MALRD1: variants seen among roughly 807,000 people sequenced by gnomAD.
MALRD1 encodes the protein MAM and LDL-receptor class A domain-containing protein 1.
MALRD1 carries 247 observed loss-of-function variants against 242.1 expected under a neutral mutation model. The observed-to-expected ratio is 1.02, with a 90% CI of 0.92 to 1.13. The LOEUF is 1.13. MALRD1 is among the 50% of genes most tolerant of loss of function. The probability of loss-of-function intolerance (pLI) is 0.00; values close to 1 mark genes in which losing one functional copy is unlikely to be tolerated. For missense variants in MALRD1, 2,989 were observed against 2,533.1 expected, an observed-to-expected ratio of 1.18 and a Z score of -3.86; for synonymous variants, 995 against 866.6, an observed-to-expected ratio of 1.15 and a Z score of -2.60.
chr10:19,313,408 A>T (rs550786255), intron 21 of MALRD1, among the ~76,000 whole-genome samples: 38 of 151,516 alleles, frequency 2.5e-4, no homozygotes, highest in South Asian at 6.2e-4. Flanking sequence ...CATACATCTC[A>T]GATGTGAATG....
At chr10:19,413,815 C>T (rs73595803) in intron 28 of MALRD1, among the ~76,000 whole-genome samples, 7,773 of 151,946 alleles carry the variant, frequency 0.051, 332 homozygotes, top group African/African-American at 0.12. Flanking sequence ...AACACCATCT[C>T]TGGCGGGTAC....
intron 2 of MALRD1, among the ~76,000 whole-genome samples, chr10:19,082,296 T>C (rs1249858034): frequency 1.3e-5 from 2 of 151,876 alleles, no homozygotes; most frequent in Non-Finnish European, 2.9e-5. Flanking sequence ...TTTGATCTTA[T>C]ATAGTTCTGT....
chr10:19,079,609 G>A (rs1835421160), intron 2 of MALRD1, among the ~76,000 whole-genome samples: 1 of 151,864 alleles, frequency 6.6e-6, no homozygotes. Flanking sequence ...TTGTTAAATG[G>A]TCTACATTTC....
At chr10:19,068,970 A>G (rs1835061178) in intron 2 of MALRD1, among the ~76,000 whole-genome samples, 1 of 152,130 alleles carries the variant, frequency 6.6e-6, no homozygotes, top group Non-Finnish European at 1.5e-5. Flanking sequence ...AAAAGAATGT[A>G]ACATTGCATA....
At chr10:19,656,971 A>G (rs530364566) in intron 36 of MALRD1, among the ~76,000 whole-genome samples, 1 of 152,190 alleles carries the variant, frequency 6.6e-6, no homozygotes, top group African/African-American at 2.4e-5. Context: ...CATAGTTGCT[A>G]CTAAATCAAT....
Position 19,264,169 on chromosome 10 carries a change from T to G in MALRD1, c.3079+6398T>G, listed in dbSNP as rs183737417. Among the ~76,000 whole-genome samples, 15 of 152,288 alleles carry G rather than the reference T, an allele frequency of 9.8e-5. No individual in the cohort carries two copies. In the East Asian group the frequency reaches 2.9e-3, roughly 29 times the overall value. On this transcript the variant is annotated intron_variant, in intron 19 of 39. Coordinates refer to ENST00000454679, the MANE Select transcript of MALRD1 (RefSeq NM_001142308.3). Reference sequence around the variant, plus strand: ...GATGTTAAATATTGTCAAATGCCTTTTCTACATTTTTTGACGTGATCATAA... The same window carrying G: ...GATGTTAAATATTGTCAAATGCCTTGTCTACATTTTTTGACGTGATCATAA...
At chr10:19,723,431 T>A (rs1393492853) in intron 38 of MALRD1, among the ~76,000 whole-genome samples, 4 of 152,102 alleles carry the variant, frequency 2.6e-5, no homozygotes, top group Admixed American at 2.6e-4. Context: ...TAAAAAAATC[T>A]GTGCTAAAGT....
At chr10:19,254,131 C>A (rs1588787263) in intron 18 of MALRD1, among the ~76,000 whole-genome samples, 1 of 151,980 alleles carries the variant, frequency 6.6e-6, no homozygotes, top group African/African-American at 2.4e-5. Flanking sequence ...CAGTCTTAGG[C>A]AGTTCTTTAT....
intron 32 of MALRD1, among the ~76,000 whole-genome samples, chr10:19,549,536 G>C (rs1835389014): frequency 6.6e-6 from 1 of 152,114 alleles, no homozygotes; most frequent in Non-Finnish European, 1.5e-5. Context: ...GGCTGAGATG[G>C]TCATTAGCAT....
In MALRD1 at chr10:19,674,408, T is replaced by G. The variant is rs149235087; in HGVS notation, c.6138-17874T>G. On this transcript the variant is annotated intron_variant, in intron 36 of 39. Coordinates refer to ENST00000454679, the MANE Select transcript of MALRD1 (RefSeq NM_001142308.3). ...AAATTTCCTGTTTTAGTTGAGCAAG[T>G]AGAGAACCTCCTTGTTTTCCCAAGA... Among the ~76,000 whole-genome samples the G allele has an allele frequency of 2.3e-3, 357 of 152,268 alleles. 1 individual carries two copies. The highest frequency in any genetic ancestry group is 3.9e-3 in the Non-Finnish European group (267 of 68,018).
intron 36 of MALRD1, among the ~76,000 whole-genome samples, chr10:19,663,450 A>T (rs146178144): frequency 1.3e-5 from 2 of 152,062 alleles, no homozygotes; most frequent in Non-Finnish European, 1.5e-5. Flanking sequence ...AGTTGATTCC[A>T]TGACTCTGCT....
intron 21 of MALRD1, among the ~76,000 whole-genome samples, chr10:19,288,587 C>A (rs1841254090): frequency 1.3e-5 from 2 of 151,810 alleles, no homozygotes; most frequent in Admixed American, 1.3e-4. Context: ...TCATTTTGTT[C>A]TTTGTTATTT....
At chr10:19,295,656 A>T (rs779650189) in intron 21 of MALRD1, among the ~76,000 whole-genome samples, 14 of 152,280 alleles carry the variant, frequency 9.2e-5, no homozygotes, top group Admixed American at 1.3e-4. Flanking sequence ...CCAGACAGAA[A>T]GAATAGTTTT....
chr10:19,545,950 G>C (rs913241559), intron 32 of MALRD1, among the ~76,000 whole-genome samples: 1 of 152,106 alleles, frequency 6.6e-6, no homozygotes, highest in Non-Finnish European at 1.5e-5. Flanking sequence ...TAATTTCCAA[G>C]AACTGTGAAT....
chr10:19,602,006 T>C (rs1397927936), intron 34 of MALRD1, among the ~76,000 whole-genome samples: 1 of 152,030 alleles, frequency 6.6e-6, no homozygotes, highest in African/African-American at 2.4e-5. Flanking sequence ...TATAGACACA[T>C]ATTTTTGTGT....
At chr10:19,650,739 C>T (rs941716570) in intron 36 of MALRD1, among the ~76,000 whole-genome samples, 1 of 152,140 alleles carries the variant, frequency 6.6e-6, no homozygotes, top group East Asian at 1.9e-4. Flanking sequence ...TCTCTGTAAT[C>T]GCATTTTAAT....
At chr10:19,179,530 A>T (rs12573770) in intron 14 of MALRD1, among the ~76,000 whole-genome samples, 15,248 of 152,066 alleles carry the variant, frequency 0.1, 823 homozygotes, top group East Asian at 0.18. Flanking sequence ...CACACCTGTA[A>T]TCCCAGCTAC....
chr10:19,097,064 C>T (rs934047035), intron 4 of MALRD1, among the ~76,000 whole-genome samples: 2 of 152,180 alleles, frequency 1.3e-5, no homozygotes, highest in Non-Finnish European at 2.9e-5. Context: ...ATAATAACAA[C>T]TAAAATTTCT....
intron 36 of MALRD1, among the ~76,000 whole-genome samples, chr10:19,663,886 C>T (rs552123247): frequency 2.0e-5 from 3 of 151,980 alleles, no homozygotes; most frequent in South Asian, 2.1e-4. Flanking sequence ...AGTGTTTTTT[C>T]GGCTAGACAG....
Sources: allele counts gnomAD v4.1 joint callset (sites outside exome capture counted in the v4.1 genomes callset), GRCh38; gene constraint gnomAD v4.1.1; transcripts MANE v1.5; gene names NCBI Gene and HGNC (gene_info 2026-07-23, HGNC 2026-07-21).